UCHL3: variants seen among roughly 807,000 people sequenced by gnomAD.
The protein encoded by UCHL3 is ubiquitin carboxyl-terminal hydrolase isozyme L3.
In UCHL3, 22 loss-of-function variants were observed where a neutral mutation model predicts 35.8. That is an observed-to-expected ratio of 0.61 (90% CI 0.44 to 0.88). UCHL3 has a LOEUF of 0.88. Among genes scored for constraint, UCHL3 ranks in the 40% least tolerant of loss-of-function variants. UCHL3 has a pLI of 0.00. For missense variants in UCHL3, 229 were observed against 276.9 expected (o/e 0.83, Z 1.23); for synonymous variants, 90 against 92.8 (o/e 0.97, Z 0.17).
chr13:75,595,446 A>G (rs2032618579), intron 7 of UCHL3, among the ~76,000 whole-genome samples: 2 of 151,776 alleles, frequency 1.3e-5, no homozygotes, highest in African/African-American at 2.4e-5. Flanking sequence ...AAAAATGCAA[A>G]ATTAGCCCGG....
intron 6 of UCHL3, among the ~76,000 whole-genome samples, chr13:75,589,545 CCA>C (rs2032418819): frequency 6.6e-6 from 1 of 152,052 alleles, no homozygotes; most frequent in Non-Finnish European, 1.5e-5. Context: ...ATGCCTATCA[CCA>C]CACAGTTTTC....
At chr13:75,551,025 TTGC>T (rs1269457640) in intron 2 of UCHL3, among the ~76,000 whole-genome samples, 1 of 152,204 alleles carries the variant, frequency 6.6e-6, no homozygotes, top group African/African-American at 2.4e-5. Context: ...TCCCCCTAGT[TTGC>T]TGAGAGTTTT....
At chr13:75,592,446 A>ATATATATATATATATGTATATATG in intron 6 of UCHL3, among the ~76,000 whole-genome samples, 2 of 71,082 alleles carry the variant, frequency 2.8e-5, no homozygotes, top group South Asian at 4.5e-4. Context: ...ATATATATAT[A>ATATATATATATATATGTATATATG]TATATATATA....
intron 5 of UCHL3, among the ~76,000 whole-genome samples, chr13:75,567,695 G>A (rs945241291): frequency 4.6e-5 from 7 of 152,004 alleles, no homozygotes; most frequent in South Asian, 2.1e-4. Flanking sequence ...TTTCAGGTGC[G>A]TGGCACCACA....
Position 75,599,047 on chromosome 13 carries a change from C to T in UCHL3, c.550+4057C>T, listed in dbSNP as rs979892263. 6.6e-5 allele frequency among the ~76,000 whole-genome samples: 10 copies of T among 152,090 alleles called. 1 individual carries two copies. The highest frequency in any genetic ancestry group is 2.4e-4 in the African/African-American group (10 of 41,422). ...CTTTGAAAGGAACCCCTTCAAACTG[C>T]AGCCTTGATGTCCTGGGCTCCAGCA... On this transcript the variant is annotated intron_variant, in intron 7 of 8. Transcript: ENST00000377595.
At chr13:75,603,022 CTT>C (rs1333335625) in intron 7 of UCHL3, among the ~76,000 whole-genome samples, 1 of 152,060 alleles carries the variant, frequency 6.6e-6, no homozygotes, top group Non-Finnish European at 1.5e-5. Flanking sequence ...CAGAATCTCA[CTT>C]TGTCACCCAG....
chr13:75,569,266 G>A (rs1322194638), intron 5 of UCHL3, 194 bp from the exon 6 acceptor site: 2 of 413,600 alleles, frequency 4.8e-6, no homozygotes, highest in African/African-American at 2.1e-5. Flanking sequence ...GAGATTTACG[G>A]GTTACACAGT....
At chr13:75,600,915 A>T (rs2032766913) in intron 7 of UCHL3, among the ~76,000 whole-genome samples, 2 of 152,224 alleles carry the variant, frequency 1.3e-5, no homozygotes, top group South Asian at 4.1e-4. Context: ...AAGAACATTC[A>T]TGATTTATGG....
rs867173696 is a variant in UCHL3 at position 75,567,242 on chromosome 13, T to C, written c.356T>C (p.Leu119Ser). The C allele has an allele frequency of 3.7e-6, 6 of 1,613,962 alleles. No individual in the cohort carries two copies. The highest frequency in any genetic ancestry group is 4.2e-6 in the Non-Finnish European group (5 of 1,180,008). The change falls in exon 5 of 9, where the codon TTG (leucine) becomes TCG (serine). Residue 119 changes from leucine (L) to serine (S), a missense_variant. Coordinates refer to ENST00000377595, the MANE Select transcript of UCHL3 (RefSeq NM_006002.5). ...ATATTCTCAGAATCTGGATCAACCT[T>C]GAAAAAATTCCTGGAGGAATCTGTG... ...DKMHFESGST[L>S]KKFLEESVSM...
At chr13:75,590,901 A>C (rs1339839216) in intron 6 of UCHL3, among the ~76,000 whole-genome samples, 1 of 152,224 alleles carries the variant, frequency 6.6e-6, no homozygotes, top group African/African-American at 2.4e-5. Context: ...TCTAGTAATT[A>C]TCATAATTGA....
chr13:75,594,997 AC>A lies in UCHL3; in HGVS notation c.550+8del. 1 of 1,591,580 alleles carries A rather than the reference AC, an allele frequency of 6.3e-7. No individual in the cohort carries two copies. Among genetic ancestry groups the A allele is most frequent in the Non-Finnish European group, 8.6e-7 (1 of 1,168,226 alleles). ...GGGCATCTCTATGAATTAGGTAAGA[AC>A]TATTTTAATTTGTCCTGGGGAGAGA... On this transcript the variant is annotated splice_region_variant and intron_variant, in intron 7 of 8. Coordinates refer to ENST00000377595, the MANE Select transcript of UCHL3 (RefSeq NM_006002.5).
chr13:75,581,509 C>T (rs2032184734), intron 6 of UCHL3, among the ~76,000 whole-genome samples: 1 of 135,624 alleles, frequency 7.4e-6, no homozygotes, highest in African/African-American at 2.7e-5. Flanking sequence ...ACCATCACAC[C>T]TGGCTAATTT....
intron 6 of UCHL3, among the ~76,000 whole-genome samples, chr13:75,589,374 G>A (rs556050507): frequency 8.0e-4 from 122 of 152,306 alleles, no homozygotes; most frequent in African/African-American, 2.8e-3. Flanking sequence ...AGATAGCTAA[G>A]AGGCCATGAT....
chr13:75,567,257 A>G lies in UCHL3; in HGVS notation c.371A>G (p.Glu124Gly). ...GGATCAACCTTGAAAAAATTCCTGG[A>G]GGAATCTGTGTCAATGAGCCCTGAA... ...ESGSTLKKFL[E>G]ESVSMSPEER... Residue 124 changes from glutamate to glycine, a missense_variant, in exon 5 of 9, where the codon GAG (glutamate) becomes GGG (glycine). Transcript: ENST00000377595. 1 of 1,614,050 alleles carries G rather than the reference A, an allele frequency of 6.2e-7. No individual in the cohort carries two copies. Among genetic ancestry groups the G allele is most frequent in the Non-Finnish European group, 8.5e-7 (1 of 1,179,986 alleles).
At chr13:75,565,430 A>G (rs1369155478) in intron 3 of UCHL3, among the ~76,000 whole-genome samples, 1 of 152,206 alleles carries the variant, frequency 6.6e-6, no homozygotes, top group African/African-American at 2.4e-5. Flanking sequence ...TGTTAGAAGC[A>G]GTCTATTATT....
intron 2 of UCHL3, among the ~76,000 whole-genome samples, chr13:75,556,895 C>T (rs940138961): frequency 2.0e-5 from 3 of 152,172 alleles, no homozygotes; most frequent in African/African-American, 4.8e-5. Context: ...AGCACTTAAC[C>T]TCCCAGACGT....
At chr13:75,550,492 T>G (rs73541475) in intron 2 of UCHL3, among the ~76,000 whole-genome samples, 6,297 of 152,218 alleles carry the variant, frequency 0.041, 425 homozygotes, top group African/African-American at 0.14. Flanking sequence ...CACGCCCCCT[T>G]TATCTTCCAG....
intron 6 of UCHL3, among the ~76,000 whole-genome samples, chr13:75,592,241 A>G (rs2032494854): frequency 6.6e-6 from 1 of 150,722 alleles, no homozygotes; most frequent in East Asian, 1.9e-4. Flanking sequence ...TATATATATC[A>G]AAACTAATTG....
At chr13:75,584,583 T>C (rs540893332) in intron 6 of UCHL3, among the ~76,000 whole-genome samples, 1 of 152,300 alleles carries the variant, frequency 6.6e-6, no homozygotes, top group African/African-American at 2.4e-5. Context: ...TCACAGTCTC[T>C]ATACTCCTAG....
Sources: gnomAD v4.1 joint callset for allele counts (sites outside exome capture counted in the v4.1 genomes callset) on GRCh38, gnomAD v4.1.1 for gene constraint, MANE v1.5 for transcripts, NCBI Gene and HGNC (gene_info 2026-07-23, HGNC 2026-07-21) for gene names.